Variants in AUTS2 observed in about 807,000 individuals in gnomAD.
AUTS2 encodes the protein activator of transcription and developmental regulator AUTS2.
Under a neutral mutation model 112.4 loss-of-function variants are expected in AUTS2, and 17 were observed. That is an observed-to-expected ratio of 0.15 (90% CI 0.10 to 0.23). AUTS2 has a LOEUF of 0.23. Ranked by LOEUF, AUTS2 falls within the 10% of genes least tolerant of loss-of-function variation. The pLI, the probability that AUTS2 is intolerant of heterozygous loss-of-function variation, is 1.00. For missense variants in AUTS2, 1,510 were observed against 1,701.6 expected, an observed-to-expected ratio of 0.89 and a Z score of 1.98; for synonymous variants, 751 against 702.7, an observed-to-expected ratio of 1.07 and a Z score of -1.09.
chr7:70,432,815 C>T (rs968326387), intron 4 of AUTS2, among the ~76,000 whole-genome samples: 1 of 152,198 alleles, frequency 6.6e-6, no homozygotes, highest in Non-Finnish European at 1.5e-5. Context: ...TGGTGCGCTC[C>T]TGCTGAGCTC....
chr7:70,085,898 C>CT (rs1162176327), intron 2 of AUTS2, among the ~76,000 whole-genome samples: 1 of 150,582 alleles, frequency 6.6e-6, no homozygotes, highest in African/African-American at 2.5e-5. Flanking sequence ...GATAAGAATG[C>CT]TTTTTTCTAT....
chr7:70,650,896 C>T (rs558057007), intron 5 of AUTS2, among the ~76,000 whole-genome samples: 2 of 152,200 alleles, frequency 1.3e-5, no homozygotes, highest in East Asian at 1.9e-4. Flanking sequence ...GATTGATGAC[C>T]AGAGTTCAAA....
In AUTS2 at chr7:70,126,801, G is replaced by A. The variant is rs536667181; in HGVS notation, c.625-7735G>A. ...CTGCTATTTATTGTGTGTGACCTTAGGCAAAGAATGTGACCTTTCTTCCCC... is the reference window on the plus strand; with the variant it reads ...CTGCTATTTATTGTGTGTGACCTTAAGCAAAGAATGTGACCTTTCTTCCCC... On this transcript the variant is annotated intron_variant, in intron 3 of 18. Transcript: ENST00000342771. 2.0e-5 allele frequency among the ~76,000 whole-genome samples: 3 copies of A among 152,238 alleles called. No homozygotes were observed. The South Asian group carries it at 6.2e-4, about 32-fold the overall frequency.
chr7:69,792,350 C>T (rs1379466942), intron 1 of AUTS2, among the ~76,000 whole-genome samples: 1 of 152,048 alleles, frequency 6.6e-6, no homozygotes, highest in African/African-American at 2.4e-5. Context: ...TGCCATTCTC[C>T]TGCCTCAGCC....
chr7:69,747,832 A>C (rs1047496363), intron 1 of AUTS2, among the ~76,000 whole-genome samples: 1 of 150,456 alleles, frequency 6.6e-6, no homozygotes, highest in Non-Finnish European at 1.5e-5. Flanking sequence ...AGAGAGAGAG[A>C]AAGTGTGCCA....
chr7:69,688,064 G>A (rs1797143033), intron 1 of AUTS2, among the ~76,000 whole-genome samples: 1 of 152,204 alleles, frequency 6.6e-6, no homozygotes. Flanking sequence ...ACAGTCTGAT[G>A]GACCCATAAT....
chr7:70,691,330 C>G (rs1476216830), intron 5 of AUTS2, among the ~76,000 whole-genome samples: 1 of 151,756 alleles, frequency 6.6e-6, no homozygotes, highest in African/African-American at 2.4e-5. Context: ...TATGTTAATC[C>G]ACCTCCATGT....
chr7:70,174,382 C>T (rs1808872925), intron 4 of AUTS2, among the ~76,000 whole-genome samples: 1 of 152,190 alleles, frequency 6.6e-6, no homozygotes, highest in African/African-American at 2.4e-5. Flanking sequence ...ATCTCTAGAA[C>T]AGAAAACTGC....
chr7:69,673,361 T>C (rs1207159755), intron 1 of AUTS2, among the ~76,000 whole-genome samples: 1 of 152,234 alleles, frequency 6.6e-6, no homozygotes, highest in African/African-American at 2.4e-5. Context: ...GATCCTCATA[T>C]GACCTTATTC....
At chr7:70,669,780 T>G (rs1351013641) in intron 5 of AUTS2, among the ~76,000 whole-genome samples, 5 of 152,230 alleles carry the variant, frequency 3.3e-5, no homozygotes, top group Non-Finnish European at 7.3e-5. Flanking sequence ...GATTCTTCTT[T>G]GGCACAAGGG....
At chr7:70,270,906 A>G (rs1787661667) in intron 4 of AUTS2, among the ~76,000 whole-genome samples, 1 of 152,154 alleles carries the variant, frequency 6.6e-6, no homozygotes, top group Non-Finnish European at 1.5e-5. Flanking sequence ...AGCTGCTATC[A>G]CATTGGGCTT....
intron 5 of AUTS2, among the ~76,000 whole-genome samples, chr7:70,538,612 C>T (rs921067486): frequency 4.6e-5 from 7 of 152,140 alleles, no homozygotes; most frequent in African/African-American, 7.2e-5. Context: ...CAGGAGGAAG[C>T]GTTATATGTT....
At chr7:70,492,915 TA>T (rs1246514096) in intron 5 of AUTS2, among the ~76,000 whole-genome samples, 2 of 152,232 alleles carry the variant, frequency 1.3e-5, no homozygotes, top group African/African-American at 4.8e-5. Flanking sequence ...ATTTAATGAA[TA>T]AATTATAATA....
At chr7:70,316,783 T>C (rs1032394075) in intron 4 of AUTS2, 4 of 152,090 alleles carry the variant, frequency 2.6e-5, no homozygotes, top group African/African-American at 9.7e-5. Flanking sequence ...GGAAATATAG[T>C]GCAAGACCAA....
chr7:70,590,194 C>T (rs1802879563), intron 5 of AUTS2, among the ~76,000 whole-genome samples: 1 of 151,892 alleles, frequency 6.6e-6, no homozygotes, highest in Non-Finnish European at 1.5e-5. Flanking sequence ...TAAGGGGGCA[C>T]TGGCCCCCAG....
At position 70,351,714 on chromosome 7, in the gene AUTS2, T is replaced by G. The variant is rs1297344040; in HGVS notation, c.661-84038T>G. On this transcript the variant is annotated intron_variant, in intron 4 of 18. Transcript: ENST00000342771. The stretch of plus-strand genomic sequence containing the variant: ...TTCTTTTTCTTTTTTCTTTTTTTTC[T>G]TTTTTGATACGAAGTCTTGCTCTGT... 2.6e-5 allele frequency among the ~76,000 whole-genome samples: 4 copies of G among 152,148 alleles called. No homozygotes were observed. The East Asian group carries it at 7.7e-4, about 29-fold the overall frequency.
chr7:70,179,571 T>A (rs1809187973), intron 4 of AUTS2, among the ~76,000 whole-genome samples: 1 of 152,192 alleles, frequency 6.6e-6, no homozygotes. Flanking sequence ...TTTCTGCAGA[T>A]CTCTAGCTCT....
At chr7:70,117,104 G>GTTTTGTTT (rs1562710088) in intron 2 of AUTS2, among the ~76,000 whole-genome samples, 3 of 78,456 alleles carry the variant, frequency 3.8e-5, no homozygotes, top group Non-Finnish European at 8.1e-5. Flanking sequence ...GATGACTTTT[G>GTTTTGTTT]TTTTTTTTTT....
intron 2 of AUTS2, among the ~76,000 whole-genome samples, chr7:69,967,388 T>C (rs923979092): frequency 6.6e-6 from 1 of 152,216 alleles, no homozygotes; most frequent in Non-Finnish European, 1.5e-5. Context: ...TGAAGTCCAT[T>C]TGAGGAATTC....
Sources: allele counts gnomAD v4.1 joint callset (sites outside exome capture counted in the v4.1 genomes callset), GRCh38; gene constraint gnomAD v4.1.1; transcripts MANE v1.5; gene names NCBI Gene and HGNC (gene_info 2026-07-23, HGNC 2026-07-21).